NLRC5: variants seen among roughly 807,000 people sequenced by gnomAD.
The protein encoded by NLRC5 is NLR family CARD domain containing 5.
A neutral mutation model predicts 206.9 loss-of-function variants in NLRC5; 114 were observed. The observed-to-expected ratio is 0.55, with a 90% CI of 0.47 to 0.64. The LOEUF (loss-of-function observed/expected upper bound fraction) is 0.64, where lower values mean the gene tolerates loss of function less well. Ranked by LOEUF, NLRC5 falls within the 30% of genes least tolerant of loss-of-function variation. The pLI is 0.00. For missense variants in NLRC5, 2,008 were observed against 2,305.5 expected, an observed-to-expected ratio of 0.87 and a Z score of 2.64; for synonymous variants, 952 against 962.8, an observed-to-expected ratio of 0.99 and a Z score of 0.21.
intron 27 of NLRC5, among the ~76,000 whole-genome samples, chr16:57,056,246 T>C (rs2065641606): frequency 1.3e-5 from 2 of 152,174 alleles, no homozygotes; most frequent in Non-Finnish European, 2.9e-5. Flanking sequence ...TTTTCATTTC[T>C]GTTGTGATGT....
chr16:57,076,395 A>G (rs1363592902), intron 39 of NLRC5, among the ~76,000 whole-genome samples: 1 of 152,244 alleles, frequency 6.6e-6, no homozygotes, highest in Non-Finnish European at 1.5e-5. Flanking sequence ...ATTTGCATGG[A>G]TGAGAACACA....
intron 11 of NLRC5, among the ~76,000 whole-genome samples, 193 bp downstream of exon 11, chr16:57,031,656 A>G (rs1334809734): frequency 6.6e-6 from 1 of 150,928 alleles, no homozygotes; most frequent in Admixed American, 6.6e-5. Context: ...TGTCCAGACC[A>G]CATCTGGTCC....
intron 30 of NLRC5, among the ~76,000 whole-genome samples, chr16:57,061,232 T>C (rs1255235239): frequency 5.3e-5 from 8 of 152,214 alleles, no homozygotes; most frequent in African/African-American, 1.7e-4. Flanking sequence ...AACTTACTCC[T>C]AATACTTTCT....
Position 57,026,065 on chromosome 16 carries a change from A to G in NLRC5, c.1122A>G (p.Glu374=). The change falls in exon 6 of 49, where the codon GAA becomes GAG. Residue 374 remains glutamate, a synonymous_variant. Transcript: ENST00000688547. The part of the protein sequence containing the change: ...MLGFDGPRVE[E]YVNHFFSAQP... ...GCTTTGATGGGCCACGGGTGGAAGA[A>G]TATGTGAATCACTTCTTCAGCGCCC... The G allele has an allele frequency of 6.2e-7, 1 of 1,614,086 alleles. No individual in the cohort carries two copies. The highest frequency in any genetic ancestry group is 8.5e-7 in the Non-Finnish European group (1 of 1,180,034).
chr16:57,027,500 A>G (rs1159461545), intron 6 of NLRC5, among the ~76,000 whole-genome samples: 1 of 152,266 alleles, frequency 6.6e-6, no homozygotes, highest in Non-Finnish European at 1.5e-5. Context: ...GGCTGCAGTA[A>G]CAGAGAAACC....
chr16:57,079,593 C>T lies in NLRC5; in HGVS notation c.5285C>T (p.Ser1762Phe), dbSNP rs1269587925. The T allele has an allele frequency of 2.5e-6, 4 of 1,614,110 alleles. No homozygotes were observed. The East Asian group carries it at 8.9e-5, about 36-fold the overall frequency. Residue 1762 changes from serine (S) to phenylalanine (F), a missense_variant, in exon 46 of 49, where the codon TCC becomes TTC. Physicochemically the swap from Ser to Phe is radical, Grantham distance 155 (BLOSUM62 -2). Coordinates refer to ENST00000688547, the MANE Select transcript of NLRC5 (RefSeq NM_001384950.1). ...IDNQTAKLLT[S>F]SFTSCPALEV... is the part of the protein sequence containing the mutation. The stretch of plus-strand genomic sequence containing the variant: ...AACCAGACTGCCAAGCTCCTCACCT[C>T]CAGCTTCACGAGCTGCCCTGCCCTG...
chr16:57,047,687 G>A, intron 23 of NLRC5, 59 bp downstream of exon 23: 1 of 1,426,500 alleles, frequency 7.0e-7, no homozygotes, highest in Non-Finnish European at 9.8e-7. Flanking sequence ...CAGTGACCTG[G>A]GAGGGGGCTT....
rs763554209 is a variant in NLRC5, at chr16:57,061,462, G to A, written c.4001G>A (p.Ser1334Asn). The A allele has an allele frequency of 1.9e-6, 3 of 1,611,464 alleles. No individual in the cohort carries two copies. Among genetic ancestry groups the A allele is most frequent in the Non-Finnish European group, 2.5e-6 (3 of 1,180,014 alleles). The change falls in exon 31 of 49, where the codon AGC becomes AAC. Residue 1334 changes from serine (S) to asparagine (N), a missense_variant. Transcript: ENST00000688547. ...TCTGCCCTCAGGCTAAGTGAGTGCA[G>A]CTTCCGGCCAGAGCACGTGTCCAGG... is the stretch of plus-strand genomic sequence containing the variant. ...AGKTLRLSECSFRPEHVSRLA... is the reference protein window; with the variant it reads ...AGKTLRLSECNFRPEHVSRLA...
chr16:57,062,821 G>C (rs2066673786), intron 32 of NLRC5: 2 of 152,126 alleles, frequency 1.3e-5, no homozygotes, highest in Admixed American at 1.3e-4. Context: ...GGAGTGTTAA[G>C]TACATCCACT....
chr16:57,044,817 G>A (rs1172645371), intron 20 of NLRC5, among the ~76,000 whole-genome samples: 10 of 152,128 alleles, frequency 6.6e-5, no homozygotes, highest in Admixed American at 4.6e-4. Context: ...GGCTGAGGTG[G>A]GAGGATTGCT....
Position 57,079,646 on chromosome 16 carries a change from G to C in NLRC5, c.5321+17G>C, listed in dbSNP as rs752447626. On this transcript the variant is annotated intron_variant, in intron 46 of 48. Coordinates refer to ENST00000688547, the MANE Select transcript of NLRC5 (RefSeq NM_001384950.1). Reference sequence around the variant, plus strand: ...AGTAATCTTGTGAGTGATTGGAAGAGCCCTGAGCTGGCTGGGAAAAGGAAA... The same window carrying C: ...AGTAATCTTGTGAGTGATTGGAAGACCCCTGAGCTGGCTGGGAAAAGGAAA... 3 of 1,611,176 alleles carry C rather than the reference G, an allele frequency of 1.9e-6. No homozygotes were observed. Among genetic ancestry groups the C allele is most frequent in the Admixed American group, 3.3e-5 (2 of 59,960 alleles).
At position 57,026,882 on chromosome 16, in the gene NLRC5, AC is replaced by A; in HGVS notation, c.1941del (p.Cys648AlafsTer7). On this transcript the variant is annotated frameshift_variant, in exon 6 of 49. Transcript: ENST00000688547. LOFTEE classifies it high-confidence loss of function. ...YQLPFHNFPLTCTDLATLTNI... is the reference protein window; with the variant it reads ...YQLPFHNFPLXCTDLATLTNI... Reference sequence around the variant, plus strand: ...ACTGCCCTTCCACAATTTCCCACTGACCTGCACCGACCTGGCCACCCTGACC... The same window carrying A: ...ACTGCCCTTCCACAATTTCCCACTGACTGCACCGACCTGGCCACCCTGACC... 1 of 1,614,016 alleles carries A rather than the reference AC, an allele frequency of 6.2e-7. No homozygotes were observed. The highest frequency in any genetic ancestry group is 8.5e-7 in the Non-Finnish European group (1 of 1,179,984).
chr16:57,002,793 C>A (rs893672146), intron 1 of NLRC5, among the ~76,000 whole-genome samples: 1 of 151,864 alleles, frequency 6.6e-6, no homozygotes, highest in African/African-American at 2.4e-5. Flanking sequence ...AGGCATGGGG[C>A]GCCACTACGC....
intron 1 of NLRC5, among the ~76,000 whole-genome samples, chr16:56,997,117 C>T (rs182499070): frequency 6.6e-6 from 1 of 152,302 alleles, no homozygotes; most frequent in Non-Finnish European, 1.5e-5. Flanking sequence ...AGCAATCTGC[C>T]TGTCTCGGCC....
Position 57,030,036 on chromosome 16 carries a change from T to A in NLRC5, c.2369T>A (p.Leu790Ter), listed in dbSNP as rs1199811584. Residue 790 changes from leucine (L) to a stop codon, truncating the protein, a stop_gained, in exon 10 of 49, where the codon TTG becomes TAG. Coordinates refer to ENST00000688547, the MANE Select transcript of NLRC5 (RefSeq NM_001384950.1). LOFTEE classifies it high-confidence loss of function. ...ATCTGCGTGTCAACCCTACTCTGCT[T>A]GGCAAGGGTGGCAGTCACGTGTCCT... ...NSICVSTLLC[L>*]ARVAVTCPTV... The A allele has an allele frequency of 6.2e-7, 1 of 1,614,114 alleles. No individual in the cohort carries two copies. Among genetic ancestry groups the A allele is most frequent in the Non-Finnish European group, 8.5e-7 (1 of 1,180,012 alleles).
intron 40 of NLRC5, 136 bp downstream of exon 40, chr16:57,077,038 TG>T: frequency 2.5e-6 from 2 of 813,756 alleles, no homozygotes; most frequent in Non-Finnish European, 2.0e-6. Flanking sequence ...GTAAACAACC[TG>T]GGGCCTAGAA....
intron 19 of NLRC5, among the ~76,000 whole-genome samples, chr16:57,043,056 G>A (rs145993977): frequency 6.6e-6 from 1 of 152,150 alleles, no homozygotes. Flanking sequence ...CCCCGTGGGA[G>A]GGGAGTGTAG....
chr16:57,053,768 A>C (rs951005636), intron 24 of NLRC5, among the ~76,000 whole-genome samples: 3 of 152,084 alleles, frequency 2.0e-5, no homozygotes, highest in African/African-American at 7.2e-5. Context: ...ACCTCAAGTG[A>C]TCCGCCCGCC....
chr16:57,077,572 CT>C, intron 41 of NLRC5, 146 bp from the exon 42 acceptor site: 2 of 954,224 alleles, frequency 2.1e-6, no homozygotes, highest in Non-Finnish European at 1.6e-6. Flanking sequence ...TTCTCTGGGC[CT>C]TTCTGCCTCA....
Sources: allele counts gnomAD v4.1 joint callset (sites outside exome capture counted in the v4.1 genomes callset), GRCh38; gene constraint gnomAD v4.1.1; transcripts MANE v1.5; gene names NCBI Gene and HGNC (gene_info 2026-07-23, HGNC 2026-07-21).